Variants in DYNLT5 observed in about 807,000 individuals in gnomAD.
The protein encoded by DYNLT5 is dynein light chain Tctex-type family member 5, also known as dynein light chain Tctex-type 5.
DYNLT5 carries 25 observed loss-of-function variants against 19.3 expected under a neutral mutation model. The observed-to-expected ratio is 1.30, with a 90% CI of 0.95 to 1.81. The LOEUF (loss-of-function observed/expected upper bound fraction) is 1.81, where lower values mean the gene tolerates loss of function less well. Among genes scored for constraint, DYNLT5 ranks in the 40% most tolerant of loss-of-function variants. The probability of loss-of-function intolerance (pLI) is 0.00; values close to 1 mark genes in which losing one functional copy is unlikely to be tolerated. For synonymous variants in DYNLT5, 82 were observed against 68.9 expected, an observed-to-expected ratio of 1.19 and a Z score of -0.94; for missense variants, 232 against 217.9, an observed-to-expected ratio of 1.06 and a Z score of -0.41.
At chr1:66,766,963 C>T (rs562319562) in intron 2 of DYNLT5, among the ~76,000 whole-genome samples, 4 of 152,092 alleles carry the variant, frequency 2.6e-5, no homozygotes, top group South Asian at 2.1e-4. Context: ...AAGAGGGGAA[C>T]GACAGATACT....
intron 4 of DYNLT5, among the ~76,000 whole-genome samples, chr1:66,776,632 T>G (rs987739282): frequency 7.9e-5 from 12 of 152,142 alleles, no homozygotes; most frequent in Admixed American, 2.0e-4. Context: ...GCATGCATTA[T>G]GTAAAAGTGT....
At chr1:66,769,536 A>AAACACACACCCACACACACACAC (rs1645190391) in intron 2 of DYNLT5, among the ~76,000 whole-genome samples, 1 of 138,032 alleles carries the variant, frequency 7.2e-6, no homozygotes, top group African/African-American at 2.8e-5. Flanking sequence ...CACACACACA[A>AAACACACACCCACACACACACAC]ACACACACCC....
intron 2 of DYNLT5, among the ~76,000 whole-genome samples, chr1:66,761,602 G>A (rs139746046): frequency 1.4e-3 from 211 of 152,222 alleles, no homozygotes; most frequent in African/African-American, 4.8e-3. Context: ...GGACAACATA[G>A]TGAGACACCC....
chr1:66,763,554 G>A (rs57776822), intron 2 of DYNLT5, among the ~76,000 whole-genome samples: 2,130 of 152,264 alleles, frequency 0.014, 52 homozygotes, highest in African/African-American at 0.049. Context: ...TAGCTTATCC[G>A]ATGATCTTAG....
chr1:66,758,011 A>C (rs2094639403), intron 2 of DYNLT5, among the ~76,000 whole-genome samples: 1 of 152,048 alleles, frequency 6.6e-6, no homozygotes, highest in Non-Finnish European at 1.5e-5. Flanking sequence ...ATGTTTGCCA[A>C]CTCCTGCTCT....
chr1:66,773,737 T>G (rs536920208), intron 3 of DYNLT5, among the ~76,000 whole-genome samples: 7 of 152,300 alleles, frequency 4.6e-5, no homozygotes, highest in Admixed American at 3.9e-4. Context: ...TTTATCTACT[T>G]TTTAAGGACA....
In DYNLT5 at chr1:66,770,289, A is replaced by G. The variant is rs144279233; in HGVS notation, c.120-98A>G. The G allele has an allele frequency of 9.9e-3, 8,200 of 828,312 alleles. 61 individuals carry two copies. Among genetic ancestry groups the G allele is most frequent in the Middle Eastern group, 0.014 (57 of 4,188 alleles). The allele number at this position is 828,312 out of a possible 1,614,324, so 51.3% of individuals were successfully genotyped here. ...TAAGACTTACTTGAAATTTTCTGAG[A>G]AAACTTCATCTTTGTAACATTTTAG... On this transcript the variant is annotated intron_variant, in intron 2 of 4. Coordinates refer to ENST00000282670, the MANE Select transcript of DYNLT5 (RefSeq NM_152665.3).
chr1:66,763,626 A>G (rs60335591), intron 2 of DYNLT5, among the ~76,000 whole-genome samples: 2,470 of 152,298 alleles, frequency 0.016, 65 homozygotes, highest in African/African-American at 0.056. Context: ...TTGCACTTTT[A>G]TGTTACAGAG....
At chr1:66,762,997 T>C (rs1043167890) in intron 2 of DYNLT5, among the ~76,000 whole-genome samples, 4 of 152,156 alleles carry the variant, frequency 2.6e-5, no homozygotes, top group African/African-American at 9.7e-5. Context: ...TGTATCACTA[T>C]GATACATCAA....
intron 2 of DYNLT5, among the ~76,000 whole-genome samples, chr1:66,755,022 A>G (rs944248332): frequency 6.6e-6 from 1 of 152,232 alleles, no homozygotes; most frequent in Non-Finnish European, 1.5e-5. Context: ...TGCTCAAAAG[A>G]AACACCACAT....
intron 3 of DYNLT5, among the ~76,000 whole-genome samples, chr1:66,772,220 T>C (rs1645208272): frequency 6.6e-6 from 1 of 152,222 alleles, no homozygotes; most frequent in South Asian, 2.1e-4. Context: ...TTCTAGAGAC[T>C]ATACAGGAAA....
intron 3 of DYNLT5, 93 bp from the exon 4 acceptor site, chr1:66,776,186 C>T: frequency 6.8e-7 from 1 of 1,474,564 alleles, no homozygotes; most frequent in Non-Finnish European, 9.1e-7. Flanking sequence ...GATTAAATCC[C>T]TCCATGTTTC....
At chr1:66,773,441 C>A (rs1188364930) in intron 3 of DYNLT5, among the ~76,000 whole-genome samples, 2 of 152,200 alleles carry the variant, frequency 1.3e-5, no homozygotes, top group East Asian at 3.9e-4. Context: ...TGGGGTCCTT[C>A]CTAATCCCAC....
chr1:66,753,358 T>C (rs1412136780), intron 1 of DYNLT5, among the ~76,000 whole-genome samples: 3 of 152,242 alleles, frequency 2.0e-5, no homozygotes, highest in African/African-American at 4.8e-5. Context: ...GATTATGAAA[T>C]AATTTAAATG....
chr1:66,760,629 A>G (rs544407899), intron 2 of DYNLT5, among the ~76,000 whole-genome samples: 1 of 152,272 alleles, frequency 6.6e-6, no homozygotes, highest in African/African-American at 2.4e-5. Flanking sequence ...GAACAGTTTC[A>G]TTTGTGTTGG....
At chr1:66,772,115 G>C (rs1337460368) in intron 3 of DYNLT5, among the ~76,000 whole-genome samples, 1 of 152,018 alleles carries the variant, frequency 6.6e-6, no homozygotes, top group Non-Finnish European at 1.5e-5. Context: ...ACATATGAAA[G>C]GTATTTTGTG....
At chr1:66,753,431 A>T (rs1407136800) in intron 1 of DYNLT5, among the ~76,000 whole-genome samples, 1 of 152,246 alleles carries the variant, frequency 6.6e-6, no homozygotes, top group Admixed American at 6.5e-5. Context: ...AGTTCTGGGA[A>T]GTCCATTGCT....
intron 2 of DYNLT5, among the ~76,000 whole-genome samples, chr1:66,763,456 A>G (rs59280098): frequency 6.6e-6 from 1 of 152,204 alleles, no homozygotes; most frequent in African/African-American, 2.4e-5. Flanking sequence ...CTCTAGCTAT[A>G]AAAGCCCTAG....
intron 2 of DYNLT5, among the ~76,000 whole-genome samples, chr1:66,757,106 C>T (rs2094637302): frequency 6.6e-6 from 1 of 152,216 alleles, no homozygotes; most frequent in African/African-American, 2.4e-5. Context: ...TTGTCTATCT[C>T]TTTCAACAGA....
Sources: allele counts gnomAD v4.1 joint callset (sites outside exome capture counted in the v4.1 genomes callset), GRCh38; gene constraint gnomAD v4.1.1; transcripts MANE v1.5; gene names NCBI Gene and HGNC (gene_info 2026-07-23, HGNC 2026-07-21).